Variants in SLC12A6 observed in about 807,000 individuals in gnomAD.
SLC12A6 encodes solute carrier family 12 member 6, also known as K-Cl cotransporter 3.
SLC12A6 carries 66 observed loss-of-function variants against 135.3 expected under a neutral mutation model. The observed-to-expected ratio is 0.49, with a 90% CI of 0.40 to 0.60. The LOEUF (loss-of-function observed/expected upper bound fraction) is 0.60, where lower values mean the gene tolerates loss of function less well. SLC12A6 is among the 20% of genes least tolerant of loss of function. The probability of loss-of-function intolerance (pLI) is 0.00; values close to 1 mark genes in which losing one functional copy is unlikely to be tolerated. For missense variants in SLC12A6, 1,058 were observed against 1,452.3 expected (o/e 0.73, Z 4.41); for synonymous variants, 513 against 508.8 (o/e 1.01, Z -0.11).
In SLC12A6 at chr15:34,252,320, C is replaced by T; in HGVS notation, c.1183G>A (p.Glu395Lys). 1 of 1,613,016 alleles carries T rather than the reference C, an allele frequency of 6.2e-7. No homozygotes were observed. Among genetic ancestry groups the T allele is most frequent in the Non-Finnish European group, 8.5e-7 (1 of 1,179,246 alleles). The change falls in exon 10 of 26, where the codon GAA becomes AAA. Residue 395 changes from glutamate to lysine, a missense_variant. By Grantham distance (56) the Glu-to-Lys change is moderately conservative. Coordinates refer to ENST00000354181, the MANE Select transcript of SLC12A6 (RefSeq NM_001365088.1). ...GATGGGACTGTCATGTTGTTAATTT[C>T]CTTGGTCTTAGAGCAAACGTCAATG... ...RHIDVCSKTKEINNMTVPSKL... is the reference protein window; with the variant it reads ...RHIDVCSKTKKINNMTVPSKL...
At chr15:34,236,223 G>T in intron 23 of SLC12A6, 24 bp from the exon 24 acceptor site, 1 of 1,591,772 alleles carries the variant, frequency 6.3e-7, no homozygotes, top group Non-Finnish European at 8.6e-7. Flanking sequence ...TCCAACACAA[G>T]TTATTCTACC....
chr15:34,325,112 T>C (rs17236847), intron 2 of SLC12A6, among the ~76,000 whole-genome samples: 7,214 of 152,286 alleles, frequency 0.047, 190 homozygotes, highest in Non-Finnish European at 0.061. Context: ...TGAATAGTTC[T>C]GTGTTAGAAA....
At chr15:34,303,939 T>TA (rs1204513040) in intron 2 of SLC12A6, among the ~76,000 whole-genome samples, 1 of 152,186 alleles carries the variant, frequency 6.6e-6, no homozygotes, top group African/African-American at 2.4e-5. Context: ...CAACACCATA[T>TA]AATTCACTCA....
At chr15:34,246,612 A>T (rs1892007840) in intron 13 of SLC12A6, among the ~76,000 whole-genome samples, 1 of 151,894 alleles carries the variant, frequency 6.6e-6, no homozygotes, top group Non-Finnish European at 1.5e-5. Context: ...TTATGCACAT[A>T]TCTACATTCA....
At chr15:34,318,635 C>T (rs1407385374) in intron 2 of SLC12A6, 2 of 1,613,146 alleles carry the variant, frequency 1.2e-6, no homozygotes, top group African/African-American at 1.3e-5. Context: ...AGCCGCTGCC[C>T]CCTCCTCTGG....
intron 2 of SLC12A6, among the ~76,000 whole-genome samples, chr15:34,310,754 G>T (rs1888179563): frequency 9.7e-6 from 1 of 102,856 alleles, no homozygotes; most frequent in Non-Finnish European, 1.9e-5. Context: ...GGCTGGTGTT[G>T]AACTCCTGGG....
intron 2 of SLC12A6, among the ~76,000 whole-genome samples, chr15:34,311,176 T>A (rs775969607): frequency 1.3e-5 from 2 of 152,260 alleles, no homozygotes; most frequent in East Asian, 3.9e-4. Flanking sequence ...GGAGAGAAAA[T>A]CTTCTAAATG....
Position 34,233,728 on chromosome 15 carries a change from C to G in SLC12A6, c.*153G>C. The G allele has an allele frequency of 1.5e-6, 1 of 686,536 alleles. No homozygotes were observed. Among genetic ancestry groups the G allele is most frequent in the Non-Finnish European group, 2.7e-6 (1 of 369,086 alleles). The allele number at this position is 686,536 out of a possible 1,614,324, so 42.5% of individuals were successfully genotyped here. ...CAGATCAGATGGGAGCTCTTTTACACAGGTACTTGAGGCTCAGCTCATCAA... is the reference window on the plus strand; with the variant it reads ...CAGATCAGATGGGAGCTCTTTTACAGAGGTACTTGAGGCTCAGCTCATCAA... On this transcript the variant is annotated 3_prime_UTR_variant, in exon 26 of 26. Coordinates refer to ENST00000354181, the MANE Select transcript of SLC12A6 (RefSeq NM_001365088.1).
intron 22 of SLC12A6, 94 bp downstream of exon 22, chr15:34,237,325 A>G: frequency 8.8e-7 from 1 of 1,142,170 alleles, no homozygotes; most frequent in Non-Finnish European, 1.3e-6. Context: ...CCACATTTAG[A>G]TCTGAAAAAT....
chr15:34,251,041 A>G lies in SLC12A6; in HGVS notation c.1350T>C (p.Asn450=). The change falls in exon 11 of 26, where the codon AAT becomes AAC. Residue 450 remains asparagine, a synonymous_variant. Transcript: ENST00000354181. The part of the protein sequence containing the change: ...SGIITENLWS[N]YLPKGEIIEK... ...CGATGATCTCTCCCTTGGGTAGGTA[A>G]TTACTCCAAAGATTCTCTGCAGTGG... 1 of 1,609,756 alleles carries G rather than the reference A, an allele frequency of 6.2e-7. No homozygotes were observed. The highest frequency in any genetic ancestry group is 8.5e-7 in the Non-Finnish European group (1 of 1,176,128).
intron 3 of SLC12A6, among the ~76,000 whole-genome samples, chr15:34,261,547 C>T (rs899301069): frequency 3.9e-5 from 6 of 152,208 alleles, no homozygotes; most frequent in African/African-American, 1.4e-4. Flanking sequence ...ATCCGCCCAC[C>T]TCAGCCTCCC....
At chr15:34,239,304 A>C (rs1595405614) in intron 19 of SLC12A6, 144 bp from the exon 20 acceptor site, 1 of 706,378 alleles carries the variant, frequency 1.4e-6, no homozygotes, top group Non-Finnish European at 2.5e-6. Context: ...AAAAGTTAAA[A>C]TTATCCCAAA....
In SLC12A6 at chr15:34,233,737, G is replaced by A; in HGVS notation, c.*144C>T. The stretch of plus-strand genomic sequence containing the variant: ...TGGGAGCTCTTTTACACAGGTACTT[G>A]AGGCTCAGCTCATCAAGAGTTCAGT... On this transcript the variant is annotated 3_prime_UTR_variant, in exon 26 of 26. Transcript: ENST00000354181. The A allele has an allele frequency of 1.4e-6, 1 of 695,762 alleles. No homozygotes were observed. The highest frequency in any genetic ancestry group is 2.7e-5 in the East Asian group (1 of 36,504). 43.1% of individuals were successfully genotyped at this position (695,762 alleles called of 1,614,324 possible).
At chr15:34,296,717 G>GT (rs1242120237) in intron 2 of SLC12A6, among the ~76,000 whole-genome samples, 1 of 152,156 alleles carries the variant, frequency 6.6e-6, no homozygotes, top group African/African-American at 2.4e-5. Context: ...GCCGACCCAG[G>GT]TAAGACTGCC....
At chr15:34,295,677 T>C (rs940461343) in intron 2 of SLC12A6, among the ~76,000 whole-genome samples, 1 of 152,172 alleles carries the variant, frequency 6.6e-6, no homozygotes, top group African/African-American at 2.4e-5. Context: ...TTTGATACAT[T>C]TATAGTGTGG....
chr15:34,288,212 C>T (rs1210454608), intron 2 of SLC12A6, among the ~76,000 whole-genome samples: 1 of 152,220 alleles, frequency 6.6e-6, no homozygotes, highest in African/African-American at 2.4e-5. Context: ...GCTTTCCCAA[C>T]ACCATGTATA....
intron 10 of SLC12A6, among the ~76,000 whole-genome samples, chr15:34,251,539 G>T (rs925490457): frequency 6.6e-6 from 1 of 152,014 alleles, no homozygotes; most frequent in East Asian, 1.9e-4. Flanking sequence ...AACCCACGGC[G>T]CCCAGCTAAA....
rs1457418611 is a variant in SLC12A6, at chr15:34,263,580, CTT to C, written c.317-2562_317-2561del. On this transcript the variant is annotated intron_variant, in intron 3 of 25. Transcript: ENST00000354181. ...GAGACCAGGCCCATAAGACAGCAAA[CTT>C]TATTTGAGCACTTCCTTAACTTTGT... Among the ~76,000 whole-genome samples the C allele has an allele frequency of 2.6e-5, 4 of 151,394 alleles. No individual in the cohort carries two copies. The South Asian group carries it at 8.3e-4, about 31-fold the overall frequency.
chr15:34,283,386 A>C (rs1311376229), intron 2 of SLC12A6, among the ~76,000 whole-genome samples: 2 of 152,132 alleles, frequency 1.3e-5, no homozygotes, highest in Non-Finnish European at 2.9e-5. Context: ...TTAATAAGAT[A>C]ATTTCAGCTT....
Sources: gnomAD v4.1 joint callset for allele counts (sites outside exome capture counted in the v4.1 genomes callset) on GRCh38, gnomAD v4.1.1 for gene constraint, MANE v1.5 for transcripts, NCBI Gene and HGNC (gene_info 2026-07-23, HGNC 2026-07-21) for gene names.